Variants in ATP8A2 observed in about 807,000 individuals in gnomAD.
The protein encoded by ATP8A2 is ATPase phospholipid transporting 8A2.
ATP8A2 carries 100 observed loss-of-function variants against 165.6 expected under a neutral mutation model. The observed-to-expected ratio is 0.60, with a 90% CI of 0.51 to 0.71. The LOEUF is 0.71. Ranked by LOEUF, ATP8A2 falls within the 30% of genes least tolerant of loss-of-function variation. The pLI, the probability that ATP8A2 is intolerant of heterozygous loss-of-function variation, is 0.00. For missense variants in ATP8A2, 1,227 were observed against 1,479.5 expected (o/e 0.83, Z 2.80); for synonymous variants, 543 against 548.8 (o/e 0.99, Z 0.15).
At chr13:25,494,712 C>T (rs1260194531) in intron 2 of ATP8A2, among the ~76,000 whole-genome samples, 1 of 152,212 alleles carries the variant, frequency 6.6e-6, no homozygotes, top group Admixed American at 6.5e-5. Flanking sequence ...AAGCTTCTGA[C>T]ATTTTTATAA....
At chr13:25,990,768 C>T (rs1956373972) in intron 35 of ATP8A2, among the ~76,000 whole-genome samples, 2 of 152,208 alleles carry the variant, frequency 1.3e-5, no homozygotes, top group Admixed American at 1.3e-4. Context: ...TATGTTTTCT[C>T]CATTTCCCAA....
At chr13:25,700,689 C>A (rs1437259719) in intron 25 of ATP8A2, among the ~76,000 whole-genome samples, 2 of 152,110 alleles carry the variant, frequency 1.3e-5, no homozygotes, top group Non-Finnish European at 2.9e-5. Flanking sequence ...TCTGTTTGGA[C>A]GTAGGTTTTC....
chr13:25,938,017 G>A (rs1286794309), intron 33 of ATP8A2, among the ~76,000 whole-genome samples: 3 of 152,016 alleles, frequency 2.0e-5, no homozygotes, highest in African/African-American at 4.8e-5. Flanking sequence ...AAGTATTCCT[G>A]TTTGCTCATG....
At chr13:25,581,648 A>G (rs1321193800) in intron 22 of ATP8A2, among the ~76,000 whole-genome samples, 171 bp from the exon 23 acceptor site, 1 of 152,188 alleles carries the variant, frequency 6.6e-6, no homozygotes, top group Non-Finnish European at 1.5e-5. Flanking sequence ...CCACCATTGC[A>G]AGGCATTTGG....
chr13:25,451,850 T>C (rs1394773503), intron 1 of ATP8A2, among the ~76,000 whole-genome samples: 1 of 40,530 alleles, frequency 2.5e-5, no homozygotes, highest in Non-Finnish European at 6.5e-5. Context: ...TATACCTTCA[T>C]GGTTTTTTTT....
At chr13:25,419,499 T>C (rs1319218363) in intron 1 of ATP8A2, among the ~76,000 whole-genome samples, 1 of 126,542 alleles carries the variant, frequency 7.9e-6, no homozygotes, top group East Asian at 2.4e-4. Flanking sequence ...TTATGCTGTT[T>C]TAGCATTTTT....
At chr13:25,471,821 T>C (rs536305755) in intron 2 of ATP8A2, among the ~76,000 whole-genome samples, 1 of 152,284 alleles carries the variant, frequency 6.6e-6, no homozygotes, top group South Asian at 2.1e-4. Context: ...GGATGTACAG[T>C]GGGTTGGTGA....
chr13:25,452,386 T>C (rs12857470), intron 1 of ATP8A2, among the ~76,000 whole-genome samples: 6,993 of 152,280 alleles, frequency 0.046, 198 homozygotes, highest in East Asian at 0.093. Context: ...TTCACCAAAA[T>C]ACTTTTTTTT....
chr13:25,538,317 T>G (rs1226184247), intron 7 of ATP8A2, among the ~76,000 whole-genome samples: 3 of 152,162 alleles, frequency 2.0e-5, no homozygotes, highest in Non-Finnish European at 4.4e-5. Context: ...GGTTTTTTTC[T>G]TATTTATAGG....
intron 27 of ATP8A2, among the ~76,000 whole-genome samples, chr13:25,802,766 A>G (rs1950647215): frequency 6.6e-6 from 1 of 152,182 alleles, no homozygotes; most frequent in Admixed American, 6.5e-5. Flanking sequence ...GTTGTGAAAG[A>G]AGAAAAATGA....
intron 35 of ATP8A2, among the ~76,000 whole-genome samples, chr13:25,970,987 A>G (rs79459080): frequency 0.011 from 1,604 of 152,158 alleles, 33 homozygotes; most frequent in South Asian, 0.061. Flanking sequence ...TTCACTTTGT[A>G]GTTCATATGA....
At chr13:25,465,532 G>A (rs924621916) in intron 1 of ATP8A2, among the ~76,000 whole-genome samples, 3 of 146,872 alleles carry the variant, frequency 2.0e-5, no homozygotes, top group South Asian at 2.2e-4. Flanking sequence ...GTTTGGAAAA[G>A]TTATTGTTCC....
intron 1 of ATP8A2, among the ~76,000 whole-genome samples, chr13:25,390,960 A>G (rs549096037): frequency 6.6e-6 from 1 of 152,224 alleles, no homozygotes; most frequent in South Asian, 2.1e-4. Context: ...GTTGCCACAT[A>G]TCTCAGTGGT....
intron 24 of ATP8A2, among the ~76,000 whole-genome samples, chr13:25,646,128 T>G (rs2041664297): frequency 6.6e-6 from 1 of 152,204 alleles, no homozygotes; most frequent in African/African-American, 2.4e-5. Context: ...AATTGATATA[T>G]CCTCTTGATG....
chr13:25,980,474 C>T (rs1407464652), intron 35 of ATP8A2, among the ~76,000 whole-genome samples: 1 of 152,062 alleles, frequency 6.6e-6, no homozygotes, highest in African/African-American at 2.4e-5. Flanking sequence ...GAGGGATGCT[C>T]GGTGTGACCA....
intron 25 of ATP8A2, among the ~76,000 whole-genome samples, chr13:25,726,239 G>A (rs1378043094): frequency 6.6e-6 from 1 of 152,196 alleles, no homozygotes; most frequent in Non-Finnish European, 1.5e-5. Context: ...AGGTAGTAAA[G>A]TGTGGCTATA....
chr13:25,948,792 G>A (rs7993971), intron 33 of ATP8A2, among the ~76,000 whole-genome samples: 107,076 of 152,072 alleles, frequency 0.7, 37,869 homozygotes, highest in East Asian at 0.75. Flanking sequence ...CCAGAACCCA[G>A]GCATGCTGGC....
At chr13:25,686,203 G>C (rs2042597659) in intron 24 of ATP8A2, among the ~76,000 whole-genome samples, 1 of 152,150 alleles carries the variant, frequency 6.6e-6, no homozygotes, top group Non-Finnish European at 1.5e-5. Context: ...TGCTATATTT[G>C]GGATGCCTGA....
intron 1 of ATP8A2, among the ~76,000 whole-genome samples, chr13:25,434,151 G>A (rs940798468): frequency 3.9e-5 from 6 of 152,224 alleles, no homozygotes; most frequent in Non-Finnish European, 5.9e-5. Flanking sequence ...AGCAGAAGGG[G>A]AATATTGGTC....
Sources: gnomAD v4.1 joint callset for allele counts (sites outside exome capture counted in the v4.1 genomes callset) on GRCh38, gnomAD v4.1.1 for gene constraint, MANE v1.5 for transcripts, NCBI Gene and HGNC (gene_info 2026-07-23, HGNC 2026-07-21) for gene names.